FA2H: variants seen among roughly 807,000 people sequenced by gnomAD.
FA2H encodes the protein fatty acid 2-hydroxylase, also known as fatty acid alpha-hydroxylase.
A neutral mutation model predicts 44.9 loss-of-function variants in FA2H; 22 were observed. That is an observed-to-expected ratio of 0.49 (90% confidence interval 0.35 to 0.70). The LOEUF is 0.70. Among genes scored for constraint, FA2H ranks in the 30% least tolerant of loss-of-function variants. The probability of loss-of-function intolerance (pLI) is 0.01; values close to 1 mark genes in which losing one functional copy is unlikely to be tolerated. For missense variants in FA2H, 501 were observed against 504.9 expected (o/e 0.99, Z 0.07); for synonymous variants, 243 against 213.2 (o/e 1.14, Z -1.22).
At chr16:74,747,299 A>C (rs926235566) in intron 1 of FA2H, among the ~76,000 whole-genome samples, 2 of 148,758 alleles carry the variant, frequency 1.3e-5, no homozygotes, top group Admixed American at 6.9e-5. Flanking sequence ...TGACAGAGCA[A>C]GACTCCACCT....
intron 5 of FA2H, among the ~76,000 whole-genome samples, chr16:74,717,384 T>G (rs955685900): frequency 6.6e-6 from 1 of 151,892 alleles, no homozygotes; most frequent in Non-Finnish European, 1.5e-5. Context: ...GGACCAGTGA[T>G]GTGCTGGAAA....
chr16:74,715,812 C>CTTTTTTTTT (rs1281614622), intron 6 of FA2H, among the ~76,000 whole-genome samples: 1 of 149,198 alleles, frequency 6.7e-6, no homozygotes, highest in African/African-American at 2.5e-5. Context: ...TCTTCTTCTT[C>CTTTTTTTTT]TTCTTTTTTT....
At chr16:74,750,761 C>CTGTGTGTGTGGGTGTG (rs1962511975) in intron 1 of FA2H, among the ~76,000 whole-genome samples, 1 of 141,572 alleles carries the variant, frequency 7.1e-6, no homozygotes, top group Non-Finnish European at 1.5e-5. Flanking sequence ...TTTTTTTTCA[C>CTGTGTGTGTGGGTGTG]TGTGTGTGTG....
intron 1 of FA2H, among the ~76,000 whole-genome samples, chr16:74,755,264 C>G (rs1319236174): frequency 1.3e-5 from 2 of 151,904 alleles, no homozygotes; most frequent in African/African-American, 2.4e-5. Flanking sequence ...ACTGCAACCT[C>G]CACCTCACAG....
intron 1 of FA2H, among the ~76,000 whole-genome samples, chr16:74,765,371 G>C (rs774444336): frequency 2.6e-5 from 4 of 152,126 alleles, no homozygotes; most frequent in African/African-American, 9.7e-5. Flanking sequence ...TGGCCAGGCT[G>C]GTCTCGGACT....
intron 1 of FA2H, among the ~76,000 whole-genome samples, chr16:74,747,632 G>C (rs949700398): frequency 6.6e-6 from 1 of 152,074 alleles, no homozygotes; most frequent in African/African-American, 2.4e-5. Context: ...TGTGAAGATG[G>C]AAGGAGAGAT....
intron 1 of FA2H, among the ~76,000 whole-genome samples, chr16:74,743,649 C>T (rs193158102): frequency 6.6e-5 from 10 of 152,310 alleles, no homozygotes; most frequent in African/African-American, 2.4e-4. Flanking sequence ...GGAAGGGGGT[C>T]GGCATGGCCT....
rs915291720 is a variant in FA2H, at chr16:74,774,625, G to C, written c.131C>G (p.Pro44Arg). ...YDLSSFVRHHPGGEQLLRARA... is the reference protein window; with the variant it reads ...YDLSSFVRHHRGGEQLLRARA... Reference sequence around the variant, plus strand: ...GGCCCGCAGCAGCTGCTCGCCCCCCGGGTGGTGCCGCACGAAGCTGGAGAG... The same window carrying C: ...GGCCCGCAGCAGCTGCTCGCCCCCCCGGTGGTGCCGCACGAAGCTGGAGAG... Residue 44 changes from proline (P) to arginine (R), a missense_variant, in exon 1 of 7, where the codon CCG becomes CGG. Coordinates refer to ENST00000219368, the MANE Select transcript of FA2H (RefSeq NM_024306.5). The C allele has an allele frequency of 3.3e-6, 5 of 1,515,972 alleles. No homozygotes were observed. Among genetic ancestry groups the C allele is most frequent in the Non-Finnish European group, 4.4e-6 (5 of 1,140,362 alleles). 93.9% of individuals were successfully genotyped at this position (1,515,972 alleles called of 1,614,324 possible).
At chr16:74,718,131 C>T (rs946173750) in intron 5 of FA2H, among the ~76,000 whole-genome samples, 10 of 152,146 alleles carry the variant, frequency 6.6e-5, no homozygotes, top group Admixed American at 5.2e-4. Flanking sequence ...CCCAGGCGGC[C>T]GATCAAACCC....
chr16:74,742,981 C>T (rs1021473166), intron 1 of FA2H, among the ~76,000 whole-genome samples: 1 of 152,016 alleles, frequency 6.6e-6, no homozygotes, highest in African/African-American at 2.4e-5. Context: ...TTTATACTGA[C>T]ATTTACCAAA....
intron 1 of FA2H, among the ~76,000 whole-genome samples, chr16:74,773,856 C>T (rs1195100811): frequency 6.6e-6 from 1 of 152,192 alleles, no homozygotes. Context: ...TGGCTCATGC[C>T]TTTCATTTCA....
chr16:74,714,251 T>A lies in FA2H; in HGVS notation c.1058A>T (p.Lys353Ile). ...GGTGTGGAAACAGTAATCCCACAAT[T>A]TAGTGCTGATACCAAATCCTAGAGA... ...HQKSGFGIST[K>I]LWDYCFHTLT... The change falls in exon 7 of 7, where the codon AAA (lysine) becomes ATA (isoleucine). Residue 353 changes from lysine (K) to isoleucine (I), a missense_variant. Physicochemically the swap from Lys to Ile is moderately radical, Grantham distance 102. Transcript: ENST00000219368. The A allele has an allele frequency of 6.4e-7, 1 of 1,561,456 alleles. No homozygotes were observed.
rs1263898342 is a variant in FA2H, at chr16:74,714,167, C to G, written c.*23G>C. 6.6e-7 allele frequency: 1 copy of G among 1,505,718 alleles called. No individual in the cohort carries two copies. Among genetic ancestry groups the G allele is most frequent in the Non-Finnish European group, 9.0e-7 (1 of 1,105,464 alleles). 93.3% of individuals were successfully genotyped at this position (1,505,718 alleles called of 1,614,324 possible). On this transcript the variant is annotated 3_prime_UTR_variant, in exon 7 of 7. Coordinates refer to ENST00000219368, the MANE Select transcript of FA2H (RefSeq NM_024306.5). ...GAAGGGGCCAGGGCCGGGCTGAGGG[C>G]AGGACGGAGGGGGTGGGAGTTGTCA...
intron 2 of FA2H, among the ~76,000 whole-genome samples, chr16:74,732,837 T>C (rs1240590176): frequency 6.6e-6 from 1 of 152,174 alleles, no homozygotes; most frequent in East Asian, 1.9e-4. Context: ...CACACCTGGA[T>C]GTACAGGAAA....
chr16:74,765,490 A>C (rs1425736230), intron 1 of FA2H, among the ~76,000 whole-genome samples: 1 of 151,768 alleles, frequency 6.6e-6, no homozygotes, highest in Non-Finnish European at 1.5e-5. Context: ...GCATATGCTA[A>C]TATTTCCTTT....
chr16:74,763,258 T>G (rs1389382276), intron 1 of FA2H, among the ~76,000 whole-genome samples: 2 of 151,662 alleles, frequency 1.3e-5, no homozygotes, highest in Non-Finnish European at 2.9e-5. Context: ...ACGTTTGGAA[T>G]TTTTTTTTGT....
At chr16:74,774,092 T>G (rs1327621574) in intron 1 of FA2H, among the ~76,000 whole-genome samples, 1 of 149,012 alleles carries the variant, frequency 6.7e-6, no homozygotes, top group Admixed American at 6.7e-5. Flanking sequence ...AAACGGAGAG[T>G]GGTTGCAAAG....
At chr16:74,755,039 C>A (rs571201409) in intron 1 of FA2H, among the ~76,000 whole-genome samples, 2 of 152,244 alleles carry the variant, frequency 1.3e-5, no homozygotes, top group East Asian at 3.9e-4. Flanking sequence ...AGCAGCCCCC[C>A]TAGAAGCCCG....
chr16:74,773,636 G>A (rs1407000249), intron 1 of FA2H, among the ~76,000 whole-genome samples: 1 of 152,192 alleles, frequency 6.6e-6, no homozygotes, highest in African/African-American at 2.4e-5. Context: ...TCAGATACAT[G>A]TGGCTTTCCC....
Sources: allele counts gnomAD v4.1 joint callset (sites outside exome capture counted in the v4.1 genomes callset), GRCh38; gene constraint gnomAD v4.1.1; transcripts MANE v1.5; gene names NCBI Gene and HGNC (gene_info 2026-07-23, HGNC 2026-07-21).